The following ADAMTS9 variants were observed in gnomAD, a reference collection of about 807,000 sequenced individuals.
ADAMTS9 encodes ADAM metallopeptidase with thrombospondin type 1 motif 9.
Under a neutral mutation model 257.1 loss-of-function variants are expected in ADAMTS9, and 107 were observed. The ratio of observed to expected loss-of-function variants is 0.42; its 90% CI spans 0.36 to 0.49. The LOEUF is 0.49. Among genes scored for constraint, ADAMTS9 ranks in the 20% least tolerant of loss-of-function variants. ADAMTS9 has a pLI of 0.03. For missense variants in ADAMTS9, 2,353 were observed against 2,469.1 expected, an observed-to-expected ratio of 0.95 and a Z score of 1.00; for synonymous variants, 982 against 880.9, an observed-to-expected ratio of 1.11 and a Z score of -2.03.
At chr3:64,649,912 T>G in intron 9 of ADAMTS9, 134 bp from the exon 10 acceptor site, 1 of 1,115,442 alleles carries the variant, frequency 9.0e-7, no homozygotes, top group South Asian at 1.9e-5. Context: ...CTTTATTCTT[T>G]ACATCCAAGA....
intron 28 of ADAMTS9, among the ~76,000 whole-genome samples, chr3:64,574,559 CAAAAA>C (rs34194727): frequency 7.4e-5 from 6 of 80,748 alleles, no homozygotes; most frequent in East Asian, 2.7e-4. Flanking sequence ...CCCATCTCTA[CAAAAA>C]AAAAAAAAAA....
intron 3 of ADAMTS9, among the ~76,000 whole-genome samples, chr3:64,666,162 T>A (rs1469226418): frequency 1.3e-5 from 2 of 152,164 alleles, no homozygotes; most frequent in Non-Finnish European, 2.9e-5. Flanking sequence ...TAAATGAGCT[T>A]CACTTCACGT....
chr3:64,677,051 T>C (rs1402168331), intron 3 of ADAMTS9, among the ~76,000 whole-genome samples: 1 of 152,154 alleles, frequency 6.6e-6, no homozygotes, highest in Non-Finnish European at 1.5e-5. Context: ...TGGGATCTCA[T>C]CTGGAAACAA....
chr3:64,654,261 A>C (rs1701001526), intron 8 of ADAMTS9, 92 bp downstream of exon 8: 2 of 1,265,110 alleles, frequency 1.6e-6, no homozygotes. Context: ...AGTCTCTTAC[A>C]CACTCGAAAG....
chr3:64,607,638 G>A (rs2084583368), intron 22 of ADAMTS9, among the ~76,000 whole-genome samples: 1 of 152,174 alleles, frequency 6.6e-6, no homozygotes, highest in African/African-American at 2.4e-5. Flanking sequence ...AGTAAGTAGA[G>A]GAAGTGATGC....
chr3:64,550,905 C>G lies in ADAMTS9; in HGVS notation c.4856G>C (p.Gly1619Ala). Residue 1619 changes from glycine to alanine, a missense_variant, in exon 31 of 40, where the codon GGA becomes GCA. By Grantham distance (60) the Gly-to-Ala change is moderately conservative. Transcript: ENST00000498707. ...LQPCEYVWIT[G>A]EWSECSVTCG... ...CCAGGACGGTACCTCTGACCATTCT[C>G]CTGTGATCCAGACATACTCGCAGGG... 3 of 1,614,148 alleles carry G rather than the reference C, an allele frequency of 1.9e-6. No homozygotes were observed. Among genetic ancestry groups the G allele is most frequent in the African/African-American group, 2.7e-5 (2 of 75,050 alleles).
At chr3:64,561,201 G>T (rs1039737155) in intron 30 of ADAMTS9, 1 of 163,212 alleles carries the variant, frequency 6.1e-6, no homozygotes, top group Non-Finnish European at 1.3e-5. Context: ...AGTCTGCCCT[G>T]CGGCTATTTA....
At chr3:64,573,901 T>G (rs1442514175) in intron 28 of ADAMTS9, among the ~76,000 whole-genome samples, 1 of 152,182 alleles carries the variant, frequency 6.6e-6, no homozygotes, top group Non-Finnish European at 1.5e-5. Context: ...TTTCAAACAT[T>G]GCTCAGTGGA....
chr3:64,576,520 C>G (rs77793242), intron 28 of ADAMTS9, among the ~76,000 whole-genome samples: 4 of 152,192 alleles, frequency 2.6e-5, no homozygotes, highest in Non-Finnish European at 4.4e-5. Flanking sequence ...GGAGAGAAAG[C>G]TTTACCAGGA....
intron 26 of ADAMTS9, among the ~76,000 whole-genome samples, chr3:64,597,326 A>T (rs1227281856): frequency 6.6e-6 from 1 of 152,204 alleles, no homozygotes; most frequent in Non-Finnish European, 1.5e-5. Context: ...AGAGGTGTTG[A>T]TGGACACGAC....
chr3:64,555,579 GCAGTTGTGTAA>G (rs575450569), intron 30 of ADAMTS9, among the ~76,000 whole-genome samples: 13,523 of 152,086 alleles, frequency 0.089, 1,434 homozygotes, highest in African/African-American at 0.23. Context: ...GGCTACCTGT[GCAGTTGTGTAA>G]GCAGTTGTGT....
chr3:64,651,506 C>A (rs1391386249), intron 8 of ADAMTS9, among the ~76,000 whole-genome samples: 1 of 152,104 alleles, frequency 6.6e-6, no homozygotes, highest in Non-Finnish European at 1.5e-5. Context: ...TCCTAATAAG[C>A]TGTTAAAGGG....
chr3:64,637,654 G>T (rs1700532475), intron 12 of ADAMTS9, among the ~76,000 whole-genome samples: 1 of 152,230 alleles, frequency 6.6e-6, no homozygotes, highest in African/African-American at 2.4e-5. Flanking sequence ...AATTAGGGTA[G>T]TCAGATTTAG....
intron 32 of ADAMTS9, among the ~76,000 whole-genome samples, chr3:64,545,792 G>A (rs2083189426): frequency 1.3e-5 from 2 of 152,132 alleles, no homozygotes; most frequent in South Asian, 4.2e-4. Flanking sequence ...GAGACAGGAT[G>A]TCACCATGTT....
intron 30 of ADAMTS9, among the ~76,000 whole-genome samples, chr3:64,553,030 CTT>C (rs796880612): frequency 6.8e-6 from 1 of 147,014 alleles, no homozygotes. Flanking sequence ...TGCCCTATGT[CTT>C]TTTTTTTTTG....
chr3:64,634,957 C>T (rs1233573832), intron 12 of ADAMTS9, among the ~76,000 whole-genome samples: 2 of 152,128 alleles, frequency 1.3e-5, no homozygotes, highest in Admixed American at 1.3e-4. Context: ...TCCAATCTGG[C>T]CCTATCCTCA....
chr3:64,600,674 T>C (rs1216742507), intron 26 of ADAMTS9, among the ~76,000 whole-genome samples: 1 of 152,176 alleles, frequency 6.6e-6, no homozygotes, highest in Admixed American at 6.5e-5. Context: ...AAATCTCTTC[T>C]AATCTAGGCA....
chr3:64,622,994 A>G (rs1216714618), intron 16 of ADAMTS9, among the ~76,000 whole-genome samples: 2 of 152,200 alleles, frequency 1.3e-5, no homozygotes, highest in Non-Finnish European at 2.9e-5. Flanking sequence ...AGACAAATCT[A>G]TATATACTAG....
At chr3:64,651,646 T>G (rs991360958) in intron 8 of ADAMTS9, among the ~76,000 whole-genome samples, 12 of 152,208 alleles carry the variant, frequency 7.9e-5, no homozygotes, top group African/African-American at 2.9e-4. Context: ...TTCCCCTTTT[T>G]GGATCAGGGT....
Sources: allele counts gnomAD v4.1 joint callset (sites outside exome capture counted in the v4.1 genomes callset), GRCh38; gene constraint gnomAD v4.1.1; transcripts MANE v1.5; gene names NCBI Gene and HGNC (gene_info 2026-07-23, HGNC 2026-07-21).